The following CXADR variants were observed in gnomAD, a reference collection of about 807,000 sequenced individuals.
CXADR encodes coxsackievirus and adenovirus receptor.
A neutral mutation model predicts 40.3 loss-of-function variants in CXADR; 20 were observed. The ratio of observed to expected loss-of-function variants is 0.50; its 90% confidence interval spans 0.35 to 0.72. The LOEUF (loss-of-function observed/expected upper bound fraction) is 0.72. Ranked by LOEUF, CXADR falls within the 30% of genes least tolerant of loss-of-function variation. The pLI is 0.01. For synonymous variants in CXADR, 150 were observed against 161.3 expected, an observed-to-expected ratio of 0.93 and a Z score of 0.53; for missense variants, 332 against 449.1, an observed-to-expected ratio of 0.74 and a Z score of 2.36.
chr21:17,605,078 G>T, the CXADR span: 1 of 1,459,188 alleles, frequency 6.9e-7, no homozygotes, highest in African/African-American at 1.4e-5. Flanking sequence ...ACTTGCCAAG[G>T]TGAGTAATAA....
At chr21:17,585,554 T>C (rs1742624306) in intron 7 of CXADR, among the ~76,000 whole-genome samples, 1 of 152,196 alleles carries the variant, frequency 6.6e-6, no homozygotes, top group Non-Finnish European at 1.5e-5. Context: ...AGTCTCGCTC[T>C]GTCGTCACGC....
the CXADR span, among the ~76,000 whole-genome samples, chr21:17,605,514 G>A: frequency 1.3e-5 from 2 of 152,148 alleles, no homozygotes; most frequent in African/African-American, 4.8e-5. Context: ...TACAGGATAA[G>A]TGAAGGACAC....
chr21:17,534,789 C>CTTTTTTTTTTT (rs11427595), intron 1 of CXADR, among the ~76,000 whole-genome samples: 5,138 of 131,042 alleles, frequency 0.039, 219 homozygotes, highest in Non-Finnish European at 0.045. Flanking sequence ...TATTTTCTTC[C>CTTTTTTTTTTT]TTTTTTTTTT....
chr21:17,629,781 G>T, the CXADR span, among the ~76,000 whole-genome samples: 1 of 152,028 alleles, frequency 6.6e-6, no homozygotes, highest in Non-Finnish European at 1.5e-5. Flanking sequence ...AGACCAGTTT[G>T]GGCAACATAG....
chr21:17,599,636 C>A, the CXADR span, among the ~76,000 whole-genome samples: 1 of 152,062 alleles, frequency 6.6e-6, no homozygotes, highest in African/African-American at 2.4e-5. Flanking sequence ...CCCACCACCA[C>A]GCCCAGCTAA....
chr21:17,551,253 A>G (rs571643117), intron 2 of CXADR, among the ~76,000 whole-genome samples: 1 of 152,260 alleles, frequency 6.6e-6, no homozygotes, highest in African/African-American at 2.4e-5. Context: ...TACAAAAATT[A>G]GCTGGCTGTG....
At chr21:17,610,078 G>A in the CXADR span, among the ~76,000 whole-genome samples, 1 of 152,284 alleles carries the variant, frequency 6.6e-6, no homozygotes, top group East Asian at 1.9e-4. Context: ...AGTCACAAAT[G>A]ACCACATATT....
the CXADR span, among the ~76,000 whole-genome samples, chr21:17,605,612 C>T: frequency 4.3e-4 from 65 of 152,180 alleles, no homozygotes; most frequent in Non-Finnish European, 4.7e-4. Flanking sequence ...TACCCAAGCA[C>T]TTTTATTTAA....
chr21:17,605,682 T>C, the CXADR span, among the ~76,000 whole-genome samples: 1 of 152,340 alleles, frequency 6.6e-6, no homozygotes, highest in Admixed American at 6.5e-5. Flanking sequence ...GTCCCATCTT[T>C]TTTTAACCTA....
chr21:17,516,100 TGAAATG>T (rs927721633), intron 1 of CXADR, among the ~76,000 whole-genome samples: 6 of 152,194 alleles, frequency 3.9e-5, no homozygotes, highest in Non-Finnish European at 8.8e-5. Flanking sequence ...TGATCAGTTA[TGAAATG>T]CCAGATACTG....
chr21:17,562,504 T>C (rs1010724874), intron 6 of CXADR, among the ~76,000 whole-genome samples: 4 of 152,214 alleles, frequency 2.6e-5, no homozygotes, highest in African/African-American at 4.8e-5. Flanking sequence ...GTATTTTTTG[T>C]AGAGATGGGG....
At chr21:17,605,050 G>A in the CXADR span, 139 of 1,578,428 alleles carry the variant, frequency 8.8e-5, no homozygotes, top group Middle Eastern at 1.7e-4. Flanking sequence ...AATCATAAAC[G>A]CCGTAATATC....
At chr21:17,546,969 C>G in intron 1 of CXADR, 58 bp from the exon 2 acceptor site, 1 of 1,589,198 alleles carries the variant, frequency 6.3e-7, no homozygotes, top group Non-Finnish European at 8.6e-7. Flanking sequence ...CTGCGGGGCA[C>G]TGTGTGGGCT....
At chr21:17,523,343 G>A (rs1330663534) in intron 1 of CXADR, among the ~76,000 whole-genome samples, 2 of 152,190 alleles carry the variant, frequency 1.3e-5, no homozygotes, top group Non-Finnish European at 2.9e-5. Flanking sequence ...GAAGGACCTA[G>A]AAGAGAAAGA....
chr21:17,617,905 T>G, the CXADR span, among the ~76,000 whole-genome samples: 1 of 152,232 alleles, frequency 6.6e-6, no homozygotes, highest in South Asian at 2.1e-4. Context: ...TTTGGTAGCA[T>G]TTTACTCACC....
At chr21:17,546,052 T>G (rs7510007) in intron 1 of CXADR, among the ~76,000 whole-genome samples, 1 of 152,192 alleles carries the variant, frequency 6.6e-6, no homozygotes, top group Non-Finnish European at 1.5e-5. Context: ...TTGCTGGGAT[T>G]ACAGGCGTGA....
rs534327021 is a variant in CXADR, at chr21:17,533,775, A to G, written c.44-13252A>G. On this transcript the variant is annotated intron_variant, in intron 1 of 6. Coordinates refer to ENST00000284878, the MANE Select transcript of CXADR (RefSeq NM_001338.5). The stretch of plus-strand genomic sequence containing the variant: ...CTGGGGGCCTGCTTTTTGATTTCTC[A>G]TTGGGGATAGGGAGCTGGGAATTGA... 4.6e-5 allele frequency among the ~76,000 whole-genome samples: 7 copies of G among 151,778 alleles called. No individual in the cohort carries two copies. The South Asian group carries it at 1.5e-3, about 32-fold the overall frequency.
intron 1 of CXADR, among the ~76,000 whole-genome samples, chr21:17,544,558 G>A (rs926383055): frequency 1.5e-4 from 23 of 152,062 alleles, no homozygotes; most frequent in African/African-American, 3.6e-4. Context: ...CTGAGTGTTC[G>A]AGGGTTGGCC....
chr21:17,513,942 A>C lies in CXADR; in HGVS notation c.43+770A>C, dbSNP rs374912422. Among the ~76,000 whole-genome samples the C allele has an allele frequency of 1.3e-3, 193 of 152,248 alleles. 4 individuals are homozygous for C. In the South Asian group the frequency reaches 0.038, roughly 30 times the overall value. Reference sequence around the variant, plus strand: ...TAAGACGGGCTGAGTTGTACAGGGTAATTGCTAGAGGATTTGCCAAGTGCG... The same window carrying C: ...TAAGACGGGCTGAGTTGTACAGGGTCATTGCTAGAGGATTTGCCAAGTGCG... On this transcript the variant is annotated intron_variant, in intron 1 of 6. Transcript: ENST00000284878.
Sources: allele counts gnomAD v4.1 joint callset (sites outside exome capture counted in the v4.1 genomes callset), GRCh38; gene constraint gnomAD v4.1.1; transcripts MANE v1.5; gene names NCBI Gene and HGNC (gene_info 2026-07-23, HGNC 2026-07-21).